Variants in HCRTR2 observed in about 807,000 individuals in gnomAD.
HCRTR2 encodes orexin receptor type 2.
In HCRTR2, 22 loss-of-function variants were observed where a neutral mutation model predicts 49.0. The observed-to-expected ratio is 0.45, with a 90% CI of 0.32 to 0.64. HCRTR2 has a LOEUF of 0.64. HCRTR2 is among the 30% of genes least tolerant of loss of function. The pLI is 0.04. For missense variants in HCRTR2, 491 were observed against 559.4 expected (o/e 0.88, Z 1.23); for synonymous variants, 236 against 205.3 (o/e 1.15, Z -1.28).
At chr6:55,236,393 G>C (rs1442953927) in intron 1 of HCRTR2, among the ~76,000 whole-genome samples, 2 of 151,924 alleles carry the variant, frequency 1.3e-5, no homozygotes, top group African/African-American at 4.8e-5. Context: ...TATTCAGCAA[G>C]TGTTACTAAG....
At chr6:55,132,151 AGTT>A (rs1434644517) in intron 1 of HCRTR2, among the ~76,000 whole-genome samples, 1 of 151,922 alleles carries the variant, frequency 6.6e-6, no homozygotes, top group East Asian at 1.9e-4. Context: ...AACATATAAA[AGTT>A]AATGACTATC....
chr6:55,120,636 CT>C (rs1764184201), intron 1 of HCRTR2, among the ~76,000 whole-genome samples: 2 of 150,904 alleles, frequency 1.3e-5, no homozygotes, highest in South Asian at 4.1e-4. Context: ...TGCTTATCAG[CT>C]TACGGAGATT....
intron 3 of HCRTR2, among the ~76,000 whole-genome samples, chr6:55,258,975 C>T (rs745319179): frequency 4.9e-4 from 74 of 152,030 alleles, no homozygotes; most frequent in Non-Finnish European, 9.0e-4. Flanking sequence ...CGCTTGAAAC[C>T]GAAAGGCGGA....
At chr6:55,216,512 GA>G (rs1430742808) in intron 1 of HCRTR2, among the ~76,000 whole-genome samples, 1 of 152,152 alleles carries the variant, frequency 6.6e-6, no homozygotes, top group Non-Finnish European at 1.5e-5. Flanking sequence ...TTCCCTTGTC[GA>G]AAGGGAAAAT....
At chr6:55,116,816 T>C (rs1289079855) in intron 1 of HCRTR2, among the ~76,000 whole-genome samples, 1 of 151,344 alleles carries the variant, frequency 6.6e-6, no homozygotes, top group African/African-American at 2.4e-5. Context: ...GAGCTCCAAG[T>C]GACTAAGTTG....
intron 5 of HCRTR2, among the ~76,000 whole-genome samples, chr6:55,279,418 C>T (rs144821122): frequency 1.4e-3 from 210 of 148,538 alleles, no homozygotes; most frequent in Non-Finnish European, 2.0e-3. Context: ...TATTATTTCA[C>T]TCTATATAGT....
At chr6:55,212,622 A>G (rs1339142723) in intron 1 of HCRTR2, among the ~76,000 whole-genome samples, 3 of 152,196 alleles carry the variant, frequency 2.0e-5, no homozygotes, top group South Asian at 2.1e-4. Flanking sequence ...AAGTTTCGGT[A>G]GACATTTTAT....
chr6:55,201,003 A>G (rs1027015403), intron 1 of HCRTR2, among the ~76,000 whole-genome samples: 1 of 152,104 alleles, frequency 6.6e-6, no homozygotes, highest in African/African-American at 2.4e-5. Flanking sequence ...AATAAGAATC[A>G]TATCGCCTCT....
chr6:55,238,841 G>A (rs965357270), intron 1 of HCRTR2, among the ~76,000 whole-genome samples: 17 of 152,170 alleles, frequency 1.1e-4, no homozygotes, highest in Admixed American at 9.2e-4. Flanking sequence ...AAAGAGAAAA[G>A]CATTTCTACA....
At position 55,174,625 on chromosome 6, in the gene HCRTR2, G is replaced by C. The variant is rs754634633; in HGVS notation, c.38G>C (p.Arg13Pro). Residue 13 changes from arginine to proline, a missense_variant, in exon 1 of 7, where the codon CGC becomes CCC. Arg to Pro is a moderately radical substitution (Grantham distance 103, BLOSUM62 -2). Coordinates refer to ENST00000370862, the MANE Select transcript of HCRTR2 (RefSeq NM_001384272.1). Reference protein sequence around the residue: ...GTKLEDSPPCRNWSSASELNE... With the variant: ...GTKLEDSPPCPNWSSASELNE... The stretch of plus-strand genomic sequence containing the variant: ...AAATTGGAGGACTCCCCCCCTTGTC[G>C]CAACTGGTCATCTGCTTCGGAGCTG... 6.2e-7 allele frequency: 1 copy of C among 1,613,978 alleles called. No homozygotes were observed. The highest frequency in any genetic ancestry group is 1.7e-5 in the Admixed American group (1 of 59,986).
chr6:55,213,083 A>C (rs1472549026), intron 1 of HCRTR2, among the ~76,000 whole-genome samples: 1 of 114,298 alleles, frequency 8.7e-6, no homozygotes, highest in African/African-American at 2.6e-5. Flanking sequence ...AAAAAGAGGA[A>C]GAGAGAGAGC....
At chr6:55,206,635 C>T (rs1345307167) in intron 1 of HCRTR2, among the ~76,000 whole-genome samples, 3 of 151,534 alleles carry the variant, frequency 2.0e-5, no homozygotes, top group African/African-American at 7.3e-5. Context: ...TATCAGCAAA[C>T]CCAGAATTAA....
At chr6:55,201,418 A>C (rs1192516833) in intron 1 of HCRTR2, among the ~76,000 whole-genome samples, 1 of 152,102 alleles carries the variant, frequency 6.6e-6, no homozygotes, top group Non-Finnish European at 1.5e-5. Flanking sequence ...AAGCTTGAAT[A>C]AGGTACATCT....
chr6:55,270,139 T>C (rs1245221790), intron 4 of HCRTR2, among the ~76,000 whole-genome samples: 1 of 152,208 alleles, frequency 6.6e-6, no homozygotes, highest in Non-Finnish European at 1.5e-5. Context: ...ACCCTATTTT[T>C]GTATTTAAAA....
intron 3 of HCRTR2, among the ~76,000 whole-genome samples, chr6:55,255,737 A>C (rs1766640770): frequency 6.6e-6 from 1 of 152,216 alleles, no homozygotes; most frequent in African/African-American, 2.4e-5. Flanking sequence ...TCCACGATTT[A>C]TAAGATGGTT....
At chr6:55,271,038 C>T (rs913695897) in intron 4 of HCRTR2, among the ~76,000 whole-genome samples, 1 of 152,028 alleles carries the variant, frequency 6.6e-6, no homozygotes, top group African/African-American at 2.4e-5. Context: ...ATTTTGGACA[C>T]AAATTGACAA....
intron 1 of HCRTR2, among the ~76,000 whole-genome samples, chr6:55,149,103 G>A (rs1044839345): frequency 5.9e-5 from 9 of 151,956 alleles, no homozygotes; most frequent in Non-Finnish European, 1.3e-4. Flanking sequence ...TTATAAAAAA[G>A]TAAGCTTTCC....
chr6:55,126,441 A>C (rs1764279312), intron 1 of HCRTR2, among the ~76,000 whole-genome samples: 1 of 152,198 alleles, frequency 6.6e-6, no homozygotes, highest in South Asian at 2.1e-4. Context: ...GCTGTAGAAC[A>C]GCAAAGATTG....
intron 1 of HCRTR2, among the ~76,000 whole-genome samples, chr6:55,155,004 A>C (rs2127259677): frequency 6.6e-6 from 1 of 151,896 alleles, no homozygotes; most frequent in East Asian, 1.9e-4. Context: ...AATAAATCTT[A>C]AGAACAAATT....
Sources: gnomAD v4.1 joint callset for allele counts (sites outside exome capture counted in the v4.1 genomes callset) on GRCh38, gnomAD v4.1.1 for gene constraint, MANE v1.5 for transcripts, NCBI Gene and HGNC (gene_info 2026-07-23, HGNC 2026-07-21) for gene names.